Variants in IGF2BP2 observed in about 807,000 individuals in gnomAD.
IGF2BP2 encodes the protein insulin-like growth factor 2 mRNA-binding protein 2.
In IGF2BP2, 17 loss-of-function variants were observed where a neutral mutation model predicts 75.8. The observed-to-expected ratio is 0.22, with a 90% CI of 0.15 to 0.34. The LOEUF (loss-of-function observed/expected upper bound fraction) is 0.34, where lower values mean the gene tolerates loss of function less well. IGF2BP2 is among the 10% of genes least tolerant of loss of function. IGF2BP2 has a pLI of 1.00. For synonymous variants in IGF2BP2, 288 were observed against 295.6 expected, an observed-to-expected ratio of 0.97 and a Z score of 0.26; for missense variants, 516 against 772.4, an observed-to-expected ratio of 0.67 and a Z score of 3.93.
At chr3:185,813,670 C>T (rs1417666932) in intron 2 of IGF2BP2, among the ~76,000 whole-genome samples, 3 of 152,338 alleles carry the variant, frequency 2.0e-5, no homozygotes, top group Middle Eastern at 3.4e-3. Context: ...AAGCCTACAA[C>T]GTTAGACCCC....
intron 2 of IGF2BP2, among the ~76,000 whole-genome samples, chr3:185,804,255 CAAA>C (rs71164543): frequency 5.6e-4 from 50 of 89,498 alleles, no homozygotes; most frequent in South Asian, 4.3e-3. Flanking sequence ...GACTACGTCT[CAAA>C]AAAAAAAAAA....
intron 5 of IGF2BP2, among the ~76,000 whole-genome samples, chr3:185,690,203 T>C (rs1172814780): frequency 6.6e-6 from 1 of 152,164 alleles, no homozygotes; most frequent in Non-Finnish European, 1.5e-5. Flanking sequence ...TCAAGGCCAT[T>C]TCCCCCTTAT....
intron 2 of IGF2BP2, among the ~76,000 whole-genome samples, chr3:185,758,843 T>G (rs1456805184): frequency 6.6e-6 from 1 of 152,250 alleles, no homozygotes; most frequent in Non-Finnish European, 1.5e-5. Context: ...CATGGTCACT[T>G]GTTGCTTTCA....
At chr3:185,764,188 G>A (rs371961470) in intron 2 of IGF2BP2, among the ~76,000 whole-genome samples, 5 of 144,732 alleles carry the variant, frequency 3.5e-5, no homozygotes, top group Admixed American at 1.4e-4. Context: ...AATCCATAAA[G>A]TAAATAAAAA....
chr3:185,737,240 T>C (rs576449111), intron 2 of IGF2BP2, among the ~76,000 whole-genome samples: 1 of 152,358 alleles, frequency 6.6e-6, no homozygotes, highest in South Asian at 2.1e-4. Context: ...TCCAGCAGCG[T>C]TGGCTCCTCT....
At chr3:185,789,324 T>C (rs749137758) in intron 2 of IGF2BP2, among the ~76,000 whole-genome samples, 1 of 152,302 alleles carries the variant, frequency 6.6e-6, no homozygotes, top group African/African-American at 2.4e-5. Flanking sequence ...GCTGAGCCTA[T>C]CACGCACCCC....
intron 2 of IGF2BP2, among the ~76,000 whole-genome samples, chr3:185,704,701 T>C (rs1723769376): frequency 6.6e-6 from 1 of 152,140 alleles, no homozygotes; most frequent in Admixed American, 6.5e-5. Flanking sequence ...CAGCCCACCT[T>C]GTCCTCCCAA....
chr3:185,800,366 C>A (rs539431465), intron 2 of IGF2BP2, among the ~76,000 whole-genome samples: 47 of 152,176 alleles, frequency 3.1e-4, no homozygotes, highest in Middle Eastern at 3.4e-3. Context: ...ACATATGGCA[C>A]ATGTATACCC....
chr3:185,747,601 C>T (rs1434070569), intron 2 of IGF2BP2, among the ~76,000 whole-genome samples: 1 of 152,042 alleles, frequency 6.6e-6, no homozygotes, highest in African/African-American at 2.4e-5. Context: ...ATCACTTGAA[C>T]CTGGGAGGTG....
intron 7 of IGF2BP2, among the ~76,000 whole-genome samples, chr3:185,684,944 A>G (rs771210678): frequency 2.0e-5 from 3 of 152,192 alleles, no homozygotes; most frequent in Non-Finnish European, 2.9e-5. Flanking sequence ...TTTTTCTAAG[A>G]TATTCAAACT....
At chr3:185,763,087 A>T (rs1340426390) in intron 2 of IGF2BP2, among the ~76,000 whole-genome samples, 1 of 152,182 alleles carries the variant, frequency 6.6e-6, no homozygotes, top group Non-Finnish European at 1.5e-5. Flanking sequence ...AAAATAAAGC[A>T]GCTAAGCCCA....
At chr3:185,818,357 A>G (rs1357647523) in intron 2 of IGF2BP2, among the ~76,000 whole-genome samples, 2 of 152,208 alleles carry the variant, frequency 1.3e-5, no homozygotes, top group East Asian at 3.8e-4. Flanking sequence ...AACCTACTCC[A>G]GGTACCTGTG....
chr3:185,761,897 A>G (rs1732418432), intron 2 of IGF2BP2, among the ~76,000 whole-genome samples: 1 of 152,222 alleles, frequency 6.6e-6, no homozygotes, highest in South Asian at 2.1e-4. Flanking sequence ...GCACGGAGTG[A>G]AAAACGTGTT....
chr3:185,815,128 A>C (rs1432004512), intron 2 of IGF2BP2, among the ~76,000 whole-genome samples: 1 of 152,094 alleles, frequency 6.6e-6, no homozygotes, highest in Non-Finnish European at 1.5e-5. Flanking sequence ...TTTACACTTA[A>C]CTGTCAACCA....
intron 1 of IGF2BP2, among the ~76,000 whole-genome samples, chr3:185,823,452 T>G (rs537833223): frequency 6.6e-6 from 1 of 152,224 alleles, no homozygotes; most frequent in African/African-American, 2.4e-5. Flanking sequence ...TAGCCGTGGG[T>G]GGCATTACCG....
chr3:185,673,399 C>T (rs1317048418), intron 9 of IGF2BP2, among the ~76,000 whole-genome samples: 5 of 152,246 alleles, frequency 3.3e-5, no homozygotes, highest in Admixed American at 3.3e-4. Context: ...AGATTCTTCA[C>T]ATGATGTAAA....
At position 185,650,704 on chromosome 3, in the gene IGF2BP2, AAT is replaced by A. The variant is rs201503468; in HGVS notation, c.1462-1172_1462-1171del. The stretch of plus-strand genomic sequence containing the variant: ...AAAAATAAAAACTGAAAAAAAAAAA[AAT>A]ATATCAATTTCAGTGGTCAGTATGT... On this transcript the variant is annotated intron_variant, in intron 13 of 15. Transcript: ENST00000382199. Among the ~76,000 whole-genome samples, 519 of 152,148 alleles carry A rather than the reference AAT, an allele frequency of 3.4e-3. 5 individuals carry two copies. Among genetic ancestry groups the A allele is most frequent in the African/African-American group, 0.012 (490 of 41,448 alleles).
At chr3:185,747,909 G>T (rs1451728403) in intron 2 of IGF2BP2, among the ~76,000 whole-genome samples, 1 of 151,782 alleles carries the variant, frequency 6.6e-6, no homozygotes. Context: ...CGGCTGGAGT[G>T]CAGTGGTGCA....
At chr3:185,719,289 A>G (rs1726139671) in intron 2 of IGF2BP2, among the ~76,000 whole-genome samples, 2 of 152,218 alleles carry the variant, frequency 1.3e-5, no homozygotes, top group Non-Finnish European at 2.9e-5. Flanking sequence ...AAGCTCTACA[A>G]AACTGTAAGA....
Sources: gnomAD v4.1 joint callset for allele counts (sites outside exome capture counted in the v4.1 genomes callset) on GRCh38, gnomAD v4.1.1 for gene constraint, MANE v1.5 for transcripts, NCBI Gene and HGNC (gene_info 2026-07-23, HGNC 2026-07-21) for gene names.